ATRNL1: variants seen among roughly 807,000 people sequenced by gnomAD.
The protein encoded by ATRNL1 is attractin-like protein 1.
In ATRNL1, 95 loss-of-function variants were observed where a neutral mutation model predicts 182.7. The ratio of observed to expected loss-of-function variants is 0.52; its 90% confidence interval spans 0.44 to 0.62. The LOEUF (loss-of-function observed/expected upper bound fraction) is 0.62. Among genes scored for constraint, ATRNL1 ranks in the 20% least tolerant of loss-of-function variants. The probability of loss-of-function intolerance (pLI) is 0.00; values close to 1 mark genes in which losing one functional copy is unlikely to be tolerated. For missense variants in ATRNL1, 1,471 were observed against 1,679.5 expected (o/e 0.88, Z 2.17); for synonymous variants, 576 against 568.3 (o/e 1.01, Z -0.19).
At chr10:115,803,756 T>C (rs1301855016) in intron 27 of ATRNL1, among the ~76,000 whole-genome samples, 1 of 152,106 alleles carries the variant, frequency 6.6e-6, no homozygotes, top group African/African-American at 2.4e-5. Flanking sequence ...TACTAACATA[T>C]AAATAAACTC....
At chr10:115,781,886 T>G (rs923741398) in intron 27 of ATRNL1, among the ~76,000 whole-genome samples, 1 of 152,188 alleles carries the variant, frequency 6.6e-6, no homozygotes, top group Non-Finnish European at 1.5e-5. Context: ...TCGGCCAGAT[T>G]GGGTAATTAT....
chr10:115,881,068 C>T (rs1203708404), intron 28 of ATRNL1, among the ~76,000 whole-genome samples: 3 of 152,182 alleles, frequency 2.0e-5, no homozygotes, highest in Non-Finnish European at 4.4e-5. Flanking sequence ...CCTGTGCCCT[C>T]AATGCGTGGC....
At chr10:115,637,642 T>TATTATTTG (rs1858971124) in intron 26 of ATRNL1, among the ~76,000 whole-genome samples, 1 of 148,530 alleles carries the variant, frequency 6.7e-6, no homozygotes, top group African/African-American at 2.5e-5. Flanking sequence ...ATTATTATTT[T>TATTATTTG]GAGATGGAAT....
chr10:115,365,695 C>A (rs368792047), intron 19 of ATRNL1, among the ~76,000 whole-genome samples: 1 of 151,494 alleles, frequency 6.6e-6, no homozygotes, highest in Admixed American at 6.6e-5. Context: ...GCTTTGAATG[C>A]GTCCCAGAGA....
intron 19 of ATRNL1, among the ~76,000 whole-genome samples, chr10:115,389,758 T>C (rs2134263819): frequency 6.6e-6 from 1 of 151,532 alleles, no homozygotes; most frequent in African/African-American, 2.4e-5. Flanking sequence ...TAATTTTACT[T>C]TTCAGATGAC....
chr10:115,822,739 C>T (rs952556347), intron 27 of ATRNL1, among the ~76,000 whole-genome samples: 5 of 152,142 alleles, frequency 3.3e-5, no homozygotes, highest in African/African-American at 9.6e-5. Flanking sequence ...AGAAAGAAGT[C>T]GAATCCCTGA....
intron 26 of ATRNL1, among the ~76,000 whole-genome samples, chr10:115,634,559 A>G (rs1858737916): frequency 6.6e-6 from 1 of 152,188 alleles, no homozygotes; most frequent in Admixed American, 6.5e-5. Context: ...TATATCCCAT[A>G]TAAGCCAAAG....
intron 26 of ATRNL1, among the ~76,000 whole-genome samples, chr10:115,602,720 G>A (rs1305612974): frequency 5.9e-5 from 9 of 152,084 alleles, no homozygotes; most frequent in Admixed American, 3.3e-4. Context: ...AAAATTAGCC[G>A]GGCGTGGTGG....
chr10:115,475,371 A>G (rs1236330920), intron 24 of ATRNL1, among the ~76,000 whole-genome samples: 1 of 151,518 alleles, frequency 6.6e-6, no homozygotes, highest in Admixed American at 6.6e-5. Flanking sequence ...GTAGCAAAAC[A>G]CCTTTATACC....
At chr10:115,723,059 A>G (rs1261257005) in intron 26 of ATRNL1, among the ~76,000 whole-genome samples, 1 of 152,206 alleles carries the variant, frequency 6.6e-6, no homozygotes, top group Non-Finnish European at 1.5e-5. Flanking sequence ...ACTGTTGACT[A>G]TCAACTAAGT....
chr10:115,870,089 G>A (rs1589628591), intron 28 of ATRNL1, among the ~76,000 whole-genome samples: 2 of 148,494 alleles, frequency 1.3e-5, no homozygotes, highest in East Asian at 4.0e-4. Context: ...TCTGAAGCTA[G>A]TATGTATGAA....
At chr10:115,697,422 C>T (rs1356940033) in intron 26 of ATRNL1, among the ~76,000 whole-genome samples, 10 of 151,946 alleles carry the variant, frequency 6.6e-5, no homozygotes, top group Non-Finnish European at 1.2e-4. Context: ...ACCTTCTGGG[C>T]TAAAGCAATT....
chr10:115,479,254 A>T (rs1038878202), intron 24 of ATRNL1, among the ~76,000 whole-genome samples: 1 of 151,664 alleles, frequency 6.6e-6, no homozygotes, highest in Non-Finnish European at 1.5e-5. Flanking sequence ...GTGTTGTAAA[A>T]GTTTCTTGTA....
At chr10:115,356,270 C>T (rs1554942808) in intron 19 of ATRNL1, among the ~76,000 whole-genome samples, 1 of 152,008 alleles carries the variant, frequency 6.6e-6, no homozygotes, top group African/African-American at 2.4e-5. Context: ...AAACTAGGAA[C>T]ATTGAAAAAT....
intron 28 of ATRNL1, among the ~76,000 whole-genome samples, chr10:115,878,929 G>T (rs140727126): frequency 2.9e-4 from 44 of 152,204 alleles, no homozygotes; most frequent in African/African-American, 6.3e-4. Context: ...AGATGAAAAA[G>T]ATGAAAATGT....
At chr10:115,210,232 A>T (rs1457733835) in intron 8 of ATRNL1, among the ~76,000 whole-genome samples, 1 of 152,004 alleles carries the variant, frequency 6.6e-6, no homozygotes, top group Admixed American at 6.6e-5. Flanking sequence ...CCCTTTACAC[A>T]GTTTTCTCTC....
chr10:115,304,951 T>C (rs1853653921), intron 17 of ATRNL1, among the ~76,000 whole-genome samples: 2 of 152,022 alleles, frequency 1.3e-5, no homozygotes, highest in South Asian at 4.1e-4. Flanking sequence ...TAAAAAGAAA[T>C]GAAAACTTTC....
intron 20 of ATRNL1, among the ~76,000 whole-genome samples, chr10:115,412,011 C>T (rs1845164223): frequency 6.6e-6 from 1 of 152,110 alleles, no homozygotes; most frequent in South Asian, 2.1e-4. Context: ...AGGACCTGTG[C>T]TTGCTTCTAA....
chr10:115,779,397 G>A (rs1294501120), intron 27 of ATRNL1, among the ~76,000 whole-genome samples: 2 of 152,184 alleles, frequency 1.3e-5, no homozygotes, highest in Admixed American at 1.3e-4. Context: ...TAAAGCTAGC[G>A]GAATGCCTCT....
Sources: gnomAD v4.1 joint callset for allele counts (sites outside exome capture counted in the v4.1 genomes callset) on GRCh38, gnomAD v4.1.1 for gene constraint, MANE v1.5 for transcripts, NCBI Gene and HGNC (gene_info 2026-07-23, HGNC 2026-07-21) for gene names.